The following TULP1 variants were observed in gnomAD, a reference collection of about 807,000 sequenced individuals.
The protein encoded by TULP1 is TUB like protein 1.
In TULP1, 50 loss-of-function variants were observed where a neutral mutation model predicts 67.1. The observed-to-expected ratio is 0.75, with a 90% CI of 0.59 to 0.94. TULP1 has a LOEUF of 0.94. Ranked by LOEUF, TULP1 falls within the 40% of genes least tolerant of loss-of-function variation. The pLI, the probability that TULP1 is intolerant of heterozygous loss-of-function variation, is 0.00. For synonymous variants in TULP1, 297 were observed against 294.0 expected (o/e 1.01, Z -0.11); for missense variants, 746 against 734.1 (o/e 1.02, Z -0.19).
rs141173128 is a variant in TULP1 at position 35,509,736 on chromosome 6, C to G, written c.616G>C (p.Asp206His). The G allele has an allele frequency of 6.2e-7, 1 of 1,614,058 alleles. No individual in the cohort carries two copies. The highest frequency in any genetic ancestry group is 8.5e-7 in the Non-Finnish European group (1 of 1,180,016). The part of the protein sequence containing the change: ...KTKKKGSGEA[D>H]KDPSGSPASA... ...GCTGGGCTCCCTGAGGGGTCCTTGT[C>G]GGCCTCCCCAGACCCTGCATGTGTG... Residue 206 changes from aspartate (D) to histidine (H), a missense_variant, in exon 7 of 15, where the codon GAC (aspartate) becomes CAC (histidine). This residue lies in a region of TULP1 where 359 missense variants were observed against 341.9 expected (regional missense o/e 1.05). Transcript: ENST00000229771.
At chr6:35,505,611 C>T (rs1246956245) in intron 11 of TULP1, 130 bp downstream of exon 11, 1 of 1,544,042 alleles carries the variant, frequency 6.5e-7, no homozygotes, top group Admixed American at 2.0e-5. Context: ...AAGCGAGAGG[C>T]CCTAGGCTAG....
At chr6:35,507,824 A>AT (rs1581741747) in intron 8 of TULP1, among the ~76,000 whole-genome samples, 1 of 152,014 alleles carries the variant, frequency 6.6e-6, no homozygotes, top group Non-Finnish European at 1.5e-5. Context: ...TTTATTTTTT[A>AT]TTTTTTTGAG....
rs76808967 is a variant in TULP1 at position 35,499,093 on chromosome 6, G to A, written c.1496-633C>T. On this transcript the variant is annotated intron_variant, in intron 14 of 14. Transcript: ENST00000229771. ...CATCCCTAGGATGCAGTTGGGGCTC[G>A]CTCAATGTTGGTCCAACCCTGTGAA... Among the ~76,000 whole-genome samples, 1,177 of 152,288 alleles carry A rather than the reference G, an allele frequency of 7.7e-3. 13 individuals are homozygous for A. Among genetic ancestry groups the A allele is most frequent in the Non-Finnish European group, 0.013 (852 of 68,028 alleles).
In TULP1 at chr6:35,502,285, CG is replaced by C. The variant is rs1372641714; in HGVS notation, c.1323+1273del. On this transcript the variant is annotated intron_variant, in intron 13 of 14. Transcript: ENST00000229771. Reference sequence around the variant, plus strand: ...CTTGGCTCACTGCAACCTCCGCCTCCGGGGTTCAAGTGATTCTCTTGCCTCA... The same window carrying C: ...CTTGGCTCACTGCAACCTCCGCCTCCGGGTTCAAGTGATTCTCTTGCCTCA... Among the ~76,000 whole-genome samples, 16 of 151,954 alleles carry C rather than the reference CG, an allele frequency of 1.1e-4. No individual in the cohort carries two copies. The South Asian group carries it at 1.7e-3, about 16-fold the overall frequency.
Position 35,498,147 on chromosome 6 carries a change from C to T in TULP1, c.*180G>A. The T allele has an allele frequency of 1.9e-6, 2 of 1,049,978 alleles. No individual in the cohort carries two copies. Among genetic ancestry groups the T allele is most frequent in the Non-Finnish European group, 2.7e-6 (2 of 742,714 alleles). The allele number at this position is 1,049,978 out of a possible 1,614,324, so 65.0% of individuals were successfully genotyped here. A position where few individuals can be genotyped will look rare whatever the true frequency, so the allele number is the denominator to read the frequency against. On this transcript the variant is annotated 3_prime_UTR_variant, in exon 15 of 15. Transcript: ENST00000229771. The surrounding 1 kb of genome is among the most constrained non-coding windows in gnomAD (Gnocchi z 6.7). ...TCCGTCCTACCCGCCGTCCGGGCTC[C>T]TCCTGCCTCGGCCTGTGCCAGGCTG...
At chr6:35,509,586 C>G (rs1390018235) in intron 7 of TULP1, 48 bp downstream of exon 7, 1 of 1,588,598 alleles carries the variant, frequency 6.3e-7, no homozygotes, top group East Asian at 2.2e-5. Context: ...CTCCCCGCCC[C>G]CAGGACCACC....
At position 35,510,854 on chromosome 6, in the gene TULP1, C is replaced by T; in HGVS notation, c.499+7G>A. 3 of 1,613,768 alleles carry T rather than the reference C, an allele frequency of 1.9e-6. No individual in the cohort carries two copies. Among genetic ancestry groups the T allele is most frequent in the Non-Finnish European group, 2.5e-6 (3 of 1,180,014 alleles). On this transcript the variant is annotated splice_region_variant and intron_variant, in intron 5 of 14. Coordinates refer to ENST00000229771, the MANE Select transcript of TULP1 (RefSeq NM_003322.6). ...CTGTGAGCTCTCTCAGCACCCTCAG[C>T]ACCCACCCCTTGGGCCCTGGGCCTT...
At chr6:35,500,434 G>C (rs1328812646) in intron 13 of TULP1, among the ~76,000 whole-genome samples, 1 of 152,144 alleles carries the variant, frequency 6.6e-6, no homozygotes, top group Non-Finnish European at 1.5e-5. Flanking sequence ...TGGTACCCAG[G>C]TGGTCTTAGG....
chr6:35,498,354 AC>A lies in TULP1; in HGVS notation c.1601del (p.Ser534IlefsTer49). ...ALQAFAIALS[S>X]FDGKLACE ...ACTCGCAGGCCAGCTTCCCGTCGAA[AC>A]TGGAGAGGGCGATGGCGAAGGCCTG... is the stretch of plus-strand genomic sequence containing the variant. On this transcript the variant is annotated frameshift_variant, in exon 15 of 15. Transcript: ENST00000229771. LOFTEE classifies it high-confidence loss of function. The surrounding 1 kb of genome is among the most constrained non-coding windows in gnomAD (Gnocchi z 6.7). 6.2e-7 allele frequency: 1 copy of A among 1,613,130 alleles called. No homozygotes were observed. The highest frequency in any genetic ancestry group is 1.3e-5 in the African/African-American group (1 of 75,028).
chr6:35,512,307 A>T, intron 2 of TULP1, 37 bp from the exon 3 acceptor site: 1 of 1,108,004 alleles, frequency 9.0e-7, no homozygotes. Flanking sequence ...CGAGGAAGGA[A>T]AGGGGGGCGC....
rs1303716756 is a variant in TULP1, at chr6:35,503,492, C to T, written c.1323+67G>A. 3 of 1,492,584 alleles carry T rather than the reference C, an allele frequency of 2.0e-6. No individual in the cohort carries two copies. Among genetic ancestry groups the T allele is most frequent in the Non-Finnish European group, 2.7e-6 (3 of 1,097,082 alleles). 92.5% of individuals were successfully genotyped at this position (1,492,584 alleles called of 1,614,324 possible). A position where few individuals can be genotyped will look rare whatever the true frequency, so the allele number is the denominator to read the frequency against. ...GATGTGCTCAGGGAGTTGGCTATTTCCTAAGCTGAGCCCCGACTCCTGTTT... is the reference window on the plus strand; with the variant it reads ...GATGTGCTCAGGGAGTTGGCTATTTTCTAAGCTGAGCCCCGACTCCTGTTT... On this transcript the variant is annotated intron_variant, in intron 13 of 14. Transcript: ENST00000229771. The surrounding 1 kb of genome is among the most constrained non-coding windows in gnomAD (Gnocchi z 4.0).
intron 11 of TULP1, chr6:35,504,271 C>G (rs367571269): frequency 4.3e-6 from 1 of 232,902 alleles, no homozygotes; most frequent in Non-Finnish European, 8.6e-6. Context: ...CCTGGGAGGT[C>G]GAGGCTGCAG....
At chr6:35,507,097 T>C (rs1040698203) in intron 8 of TULP1, among the ~76,000 whole-genome samples, 44 of 151,428 alleles carry the variant, frequency 2.9e-4, no homozygotes, top group Admixed American at 7.9e-4. Flanking sequence ...GAAGTGATCA[T>C]GGGCCACTCC....
In TULP1 at chr6:35,509,788, G is replaced by A. The variant is rs199721291; in HGVS notation, c.602-38C>T. 6.2e-6 allele frequency: 10 copies of A among 1,613,728 alleles called. No homozygotes were observed. The Admixed American group carries it at 6.7e-5, about 11-fold the overall frequency. On this transcript the variant is annotated intron_variant, in intron 6 of 14. Transcript: ENST00000229771. ...ATGTGAAAGCGTCACAACCCCCACCGCAACTGGAGTCCCCTGTTCCTCCCT... is the reference window on the plus strand; with the variant it reads ...ATGTGAAAGCGTCACAACCCCCACCACAACTGGAGTCCCCTGTTCCTCCCT...
intron 2 of TULP1, 83 bp downstream of exon 2, chr6:35,512,556 C>T: frequency 1.3e-6 from 2 of 1,583,174 alleles, no homozygotes; most frequent in South Asian, 2.2e-5. Flanking sequence ...GGGGACCTGT[C>T]CCACCCCTAG....
At chr6:35,506,943 G>A (rs1306921020) in intron 8 of TULP1, among the ~76,000 whole-genome samples, 5 of 152,122 alleles carry the variant, frequency 3.3e-5, no homozygotes, top group African/African-American at 4.8e-5. Context: ...TTAGCGTATA[G>A]TAAATAATGA....
Position 35,511,756 on chromosome 6 carries a change from C to A in TULP1, c.241G>T (p.Ala81Ser). 1 of 1,583,196 alleles carries A rather than the reference C, an allele frequency of 6.3e-7. No homozygotes were observed. Among genetic ancestry groups the A allele is most frequent in the Non-Finnish European group, 8.6e-7 (1 of 1,165,240 alleles). ...REEPSPDPAQARAPQTVYARF... is the reference protein window; with the variant it reads ...REEPSPDPAQSRAPQTVYARF... The stretch of plus-strand genomic sequence containing the variant: ...GCGTAGACCGTCTGCGGCGCCCGGG[C>A]CTGGGCTGGGTCTGGGGAAGGCTCC... Residue 81 changes from alanine to serine, a missense_variant, in exon 4 of 15, where the codon GCC becomes TCC. Transcript: ENST00000229771.
chr6:35,511,958 C>T, intron 3 of TULP1, 152 bp from the exon 4 acceptor site: 1 of 937,644 alleles, frequency 1.1e-6, no homozygotes, highest in East Asian at 2.7e-5. Context: ...AACACTTCTC[C>T]CCGGCTTCCA....
chr6:35,511,302 T>C (rs189094210), intron 4 of TULP1, among the ~76,000 whole-genome samples: 23 of 152,284 alleles, frequency 1.5e-4, no homozygotes, highest in African/African-American at 5.3e-4. Flanking sequence ...CTTGCCTCCT[T>C]TCCCCATCTC....
Sources: allele counts gnomAD v4.1 joint callset (sites outside exome capture counted in the v4.1 genomes callset), GRCh38; gene constraint gnomAD v4.1.1; regional missense constraint gnomAD v4.1.1; non-coding constraint Gnocchi (gnomAD v3.1); transcripts MANE v1.5; gene names NCBI Gene and HGNC (gene_info 2026-07-23, HGNC 2026-07-21).